Variants in PEG3 observed in about 807,000 individuals in gnomAD.
PEG3 encodes the protein paternally expressed 3, also known as paternally-expressed gene 3 protein.
In PEG3, 23 loss-of-function variants were observed where a neutral mutation model predicts 35.5. That is an observed-to-expected ratio of 0.65 (90% CI 0.47 to 0.92). The LOEUF is 0.92. Among genes scored for constraint, PEG3 ranks in the 40% least tolerant of loss-of-function variants. The pLI is 0.00. For synonymous variants in PEG3, 707 were observed against 697.0 expected, an observed-to-expected ratio of 1.01 and a Z score of -0.23; for missense variants, 1,960 against 1,985.3, an observed-to-expected ratio of 0.99 and a Z score of 0.24.
rs547693438 is a variant in PEG3 at position 56,824,316 on chromosome 19, A to T, written c.340T>A (p.Cys114Ser). 1.2e-6 allele frequency: 2 copies of T among 1,614,086 alleles called. No individual in the cohort carries two copies. Among genetic ancestry groups the T allele is most frequent in the South Asian group, 2.2e-5 (2 of 91,074 alleles). The change falls in exon 4 of 10, where the codon TGT becomes AGT. Residue 114 changes from cysteine to serine, a missense_variant. Around this residue, in one of 5 missense-constraint regions of PEG3, gnomAD observed 613 missense variants for 577.1 expected, o/e 1.06. Coordinates refer to ENST00000326441, the MANE Select transcript of PEG3 (RefSeq NM_006210.3). ...PWVRAKKPEN[C>S]EKLVTLLENY... is the part of the protein sequence containing the mutation. ...TCCAGCAGAGTGACGAGCTTCTCACAGTTCTCCGGCTTTTTTGCTCGCACC... is the reference window on the plus strand; with the variant it reads ...TCCAGCAGAGTGACGAGCTTCTCACTGTTCTCCGGCTTTTTTGCTCGCACC...
In PEG3 at chr19:56,815,731, G is replaced by A; in HGVS notation, c.2711C>T (p.Pro904Leu). ...SVIQSVFRAKPQKSVPGEGSG... is the reference protein window; with the variant it reads ...SVIQSVFRAKLQKSVPGEGSG... ...TCCCTCTCCAGGAACACTTTTCTGA[G>A]GTTTGGCACGGAATACACTCTGTAT... The change falls in exon 10 of 10, where the codon CCT (proline) becomes CTT (leucine). Residue 904 changes from proline to leucine, a missense_variant. By Grantham distance (98) the Pro-to-Leu change is moderately conservative. Coordinates refer to ENST00000326441, the MANE Select transcript of PEG3 (RefSeq NM_006210.3). 6.2e-7 allele frequency: 1 copy of A among 1,614,176 alleles called. No individual in the cohort carries two copies.
chr19:56,838,376 C>T (rs1224100568), intron 1 of PEG3, among the ~76,000 whole-genome samples: 1 of 152,184 alleles, frequency 6.6e-6, no homozygotes, highest in Non-Finnish European at 1.5e-5. Context: ...GTGGCTAGCA[C>T]AGACAGTACC....
At position 56,818,649 on chromosome 19, in the gene PEG3, G is replaced by T. The variant is rs80150589; in HGVS notation, c.723C>A (p.His241Gln). 379 of 1,614,204 alleles carry T rather than the reference G, an allele frequency of 2.3e-4. No individual in the cohort carries two copies. The African/African-American group carries it at 4.6e-3, about 20-fold the overall frequency. Residue 241 changes from histidine to glutamine, a missense_variant, in exon 8 of 10, where the codon CAC becomes CAA. By Grantham distance (24) the His-to-Gln change is conservative. This residue lies in a region of PEG3 where 613 missense variants were observed against 577.1 expected (regional missense o/e 1.06). Transcript: ENST00000326441. ...VVDLAEDRKP[H>Q]NTIQDNMENY... is the part of the protein sequence containing the mutation. ...TTTCCATGTTGTCCTGGATTGTGTT[G>T]TGAGGTTTCCTGTCCTCAGCGAGGT...
Position 56,816,312 on chromosome 19 carries a change from C to G in PEG3, c.2130G>C (p.Lys710Asn). 1 of 1,614,136 alleles carries G rather than the reference C, an allele frequency of 6.2e-7. No homozygotes were observed. The highest frequency in any genetic ancestry group is 2.2e-5 in the East Asian group (1 of 44,878). ...CATACCCTCTGCCTTCAAAGAGGTTCTTTCGAGAATGAATTTTCTGATGCT... is the reference window on the plus strand; with the variant it reads ...CATACCCTCTGCCTTCAAAGAGGTTGTTTCGAGAATGAATTTTCTGATGCT... ...LSEHQKIHSR[K>N]NLFEGRGYEK... The change falls in exon 10 of 10, where the codon AAG becomes AAC. Residue 710 changes from lysine to asparagine, a missense_variant. By Grantham distance (94) the Lys-to-Asn change is moderately conservative. This residue lies in a region of PEG3 where 798 missense variants were observed against 782.4 expected (regional missense o/e 1.02). Coordinates refer to ENST00000326441, the MANE Select transcript of PEG3 (RefSeq NM_006210.3).
intron 4 of PEG3, among the ~76,000 whole-genome samples, chr19:56,823,885 C>A (rs1401039893): frequency 6.6e-6 from 1 of 152,136 alleles, no homozygotes; most frequent in Non-Finnish European, 1.5e-5. Context: ...GTGGCTGTGA[C>A]CACCCCGACC....
rs572444111 is a variant in PEG3, at chr19:56,814,359, ATCTTCT to A, written c.4077_4082del (p.Glu1359_Glu1360del). 27 of 1,613,174 alleles carry A rather than the reference ATCTTCT, an allele frequency of 1.7e-5. No homozygotes were observed. The highest frequency in any genetic ancestry group is 2.1e-5 in the Non-Finnish European group (25 of 1,179,272). ...CTGCTGCTGCAGCTGCTGCTGCTTC[ATCTTCT>A]TCTTCTTCTTCCAGATGAAGCTCCT... On this transcript the variant is annotated inframe_deletion, in exon 10 of 10. Transcript: ENST00000326441. This position sits in a 1 kb window ranked among gnomAD's most constrained non-coding sequence, Gnocchi z 5.8.
At chr19:56,829,273 G>C (rs981643838) in intron 2 of PEG3, among the ~76,000 whole-genome samples, 3 of 151,168 alleles carry the variant, frequency 2.0e-5, no homozygotes, top group African/African-American at 7.3e-5. Flanking sequence ...GGACCCAGGA[G>C]GCAGAGGTTG....
Position 56,817,159 on chromosome 19 carries a change from A to C in PEG3, c.1283T>G (p.Val428Gly). ...GGAGCTGAGGCTGCTCAGGCTGCTCACGCTCATGGCTTTTCTCATCTCACT... is the reference window on the plus strand; with the variant it reads ...GGAGCTGAGGCTGCTCAGGCTGCTCCCGCTCATGGCTTTTCTCATCTCACT... ...CGSEMRKAMS[V>G]SSLSSLSSPS... The change falls in exon 10 of 10, where the codon GTG becomes GGG. Residue 428 changes from valine (V) to glycine (G), a missense_variant. Around this residue, in one of 5 missense-constraint regions of PEG3, gnomAD observed 613 missense variants for 577.1 expected, o/e 1.06. Coordinates refer to ENST00000326441, the MANE Select transcript of PEG3 (RefSeq NM_006210.3). The C allele has an allele frequency of 6.2e-7, 1 of 1,614,182 alleles. No individual in the cohort carries two copies. The highest frequency in any genetic ancestry group is 8.5e-7 in the Non-Finnish European group (1 of 1,180,016).
At position 56,812,248 on chromosome 19, in the gene PEG3, A is replaced by G; in HGVS notation, c.*1427T>C. On this transcript the variant is annotated 3_prime_UTR_variant, in exon 10 of 10. Coordinates refer to ENST00000326441, the MANE Select transcript of PEG3 (RefSeq NM_006210.3). ...GGTAGTCCACAGAATAGGACACAAG[A>G]AACCTCAAGCTGTGAGGTCAATTTG... 1.0e-6 allele frequency: 1 copy of G among 976,318 alleles called. No homozygotes were observed. The highest frequency in any genetic ancestry group is 1.2e-6 in the Non-Finnish European group (1 of 821,776). The allele number at this position is 976,318 out of a possible 1,614,324, so 60.5% of individuals were successfully genotyped here.
At position 56,814,082 on chromosome 19, in the gene PEG3, C is replaced by T. The variant is rs1293681257; in HGVS notation, c.4360G>A (p.Asp1454Asn). Residue 1454 changes from aspartate (D) to asparagine (N), a missense_variant, in exon 10 of 10, where the codon GAT becomes AAT. Asp to Asn is a conservative substitution (Grantham distance 23, BLOSUM62 1). Coordinates refer to ENST00000326441, the MANE Select transcript of PEG3 (RefSeq NM_006210.3). The surrounding 1 kb of genome is among the most constrained non-coding windows in gnomAD (Gnocchi z 5.8). ...TCTGGGTCTTCAATACCTGCACCAT[C>T]TGGCTCATCAGCATCCCCATTTGGC... ...EQPNGDADEP[D>N]GAGIEDPEER... is the part of the protein sequence containing the mutation. The T allele has an allele frequency of 6.2e-7, 1 of 1,614,176 alleles. No individual in the cohort carries two copies. Among genetic ancestry groups the T allele is most frequent in the Admixed American group, 1.7e-5 (1 of 60,024 alleles).
At chr19:56,838,896 C>T (rs909975764) in intron 1 of PEG3, among the ~76,000 whole-genome samples, 1 of 152,208 alleles carries the variant, frequency 6.6e-6, no homozygotes, top group Non-Finnish European at 1.5e-5. Context: ...ACCGCAGCCG[C>T]CCCGATCAAA....
Position 56,817,193 on chromosome 19 carries a change from C to A in PEG3, c.1249G>T (p.Glu417Ter). ...GCTTTTCTCATCTCACTACCACATT[C>A]AAAGGGCTTCTTCCTGGGACAGCCT... ...QKGCPRKKPF[E>*]CGSEMRKAMS... is the part of the protein sequence containing the mutation. The change falls in exon 10 of 10, where the codon GAA (glutamate) becomes TAA (stop). Residue 417 changes from glutamate (E) to a stop codon, truncating the protein, a stop_gained. Transcript: ENST00000326441. LOFTEE classifies it low-confidence loss of function (END_TRUNC). 1 of 1,614,250 alleles carries A rather than the reference C, an allele frequency of 6.2e-7. No homozygotes were observed. The highest frequency in any genetic ancestry group is 8.5e-7 in the Non-Finnish European group (1 of 1,180,034).
intron 2 of PEG3, among the ~76,000 whole-genome samples, chr19:56,832,427 T>C (rs552100488): frequency 4.7e-4 from 72 of 152,326 alleles, no homozygotes; most frequent in African/African-American, 1.7e-3. Context: ...CCTCACTTCA[T>C]TGACAGCTGT....
chr19:56,816,853 C>G lies in PEG3; in HGVS notation c.1589G>C (p.Gly530Ala). The G allele has an allele frequency of 1.2e-6, 2 of 1,614,150 alleles. No individual in the cohort carries two copies. The highest frequency in any genetic ancestry group is 1.7e-6 in the Non-Finnish European group (2 of 1,179,994). The change falls in exon 10 of 10, where the codon GGT becomes GCT. Residue 530 changes from glycine (G) to alanine (A), a missense_variant. Coordinates refer to ENST00000326441, the MANE Select transcript of PEG3 (RefSeq NM_006210.3). ...LAEHRKIHAR[G>A]YLVECKNQEC... ...CTGATTCTTACATTCCACAAGATAA[C>G]CTCTAGCATGAATCTTCCGATGTTC...
intron 2 of PEG3, among the ~76,000 whole-genome samples, chr19:56,827,647 C>T (rs1184087643): frequency 6.6e-6 from 1 of 152,120 alleles, no homozygotes; most frequent in African/African-American, 2.4e-5. Context: ...ATGAATTTAC[C>T]TCAGAGATAT....
chr19:56,823,520 C>T, intron 5 of PEG3, 73 bp downstream of exon 5: 2 of 1,586,944 alleles, frequency 1.3e-6, no homozygotes, highest in South Asian at 2.2e-5. Flanking sequence ...AGGCCCCAAC[C>T]CACTGTGTCT....
At position 56,817,097 on chromosome 19, in the gene PEG3, C is replaced by T; in HGVS notation, c.1345G>A (p.Ala449Thr). Residue 449 changes from alanine to threonine, a missense_variant, in exon 10 of 10, where the codon GCA (alanine) becomes ACA (threonine). This residue lies in a region of PEG3 where 613 missense variants were observed against 577.1 expected (regional missense o/e 1.06). Transcript: ENST00000326441. ...CACTCATCACATACATATGGCATTG[C>T]CCCAAAATCAATTGGCTGTGACTCG... ...FTESQPIDFG[A>T]MPYVCDECGR... is the part of the protein sequence containing the mutation. 1 of 1,614,112 alleles carries T rather than the reference C, an allele frequency of 6.2e-7. No individual in the cohort carries two copies. Among genetic ancestry groups the T allele is most frequent in the Non-Finnish European group, 8.5e-7 (1 of 1,179,986 alleles).
Position 56,811,931 on chromosome 19 carries a change from C to G in PEG3, c.*1744G>C. On this transcript the variant is annotated 3_prime_UTR_variant, in exon 10 of 10. Coordinates refer to ENST00000326441, the MANE Select transcript of PEG3 (RefSeq NM_006210.3). ...TATATTAGGACTCCCTTCTTTGACT[C>G]ACTCATTTCTGCTTCTTGCTCTCAG... is the stretch of plus-strand genomic sequence containing the variant. 1.0e-6 allele frequency: 1 copy of G among 985,230 alleles called. No homozygotes were observed. Among genetic ancestry groups the G allele is most frequent in the Admixed American group, 6.1e-5 (1 of 16,270 alleles). The allele number at this position is 985,230 out of a possible 1,614,324, so 61.0% of individuals were successfully genotyped here.
In PEG3 at chr19:56,813,790, G is replaced by C; in HGVS notation, c.4652C>G (p.Thr1551Ser). 3 of 1,614,152 alleles carry C rather than the reference G, an allele frequency of 1.9e-6. No individual in the cohort carries two copies. The highest frequency in any genetic ancestry group is 1.1e-5 in the South Asian group (1 of 91,086). The change falls in exon 10 of 10, where the codon ACC becomes AGC. Residue 1551 changes from threonine to serine, a missense_variant. By Grantham distance (58) the Thr-to-Ser change is moderately conservative. Transcript: ENST00000326441. ...AGCTTGATTGGCACCACCTGTGCTG[G>C]TGCTGGCACGTTCGATGTAGCCTGA... ...ECSGYIERAS[T>S]STGGANQADE...
Sources: gnomAD v4.1 joint callset for allele counts (sites outside exome capture counted in the v4.1 genomes callset) on GRCh38, gnomAD v4.1.1 for gene constraint, gnomAD v4.1.1 regional missense constraint, Gnocchi (gnomAD v3.1) non-coding constraint, MANE v1.5 for transcripts, NCBI Gene and HGNC (gene_info 2026-07-23, HGNC 2026-07-21) for gene names.